DSCAM: variants seen among roughly 807,000 people sequenced by gnomAD.
The protein encoded by DSCAM is cell adhesion molecule DSCAM.
In DSCAM, 47 loss-of-function variants were observed where a neutral mutation model predicts 217.7. The observed-to-expected ratio is 0.22, with a 90% CI of 0.17 to 0.28. The LOEUF is 0.28. DSCAM is among the 10% of genes least tolerant of loss of function. The probability of loss-of-function intolerance (pLI) is 1.00; values close to 1 mark genes in which losing one functional copy is unlikely to be tolerated. For synonymous variants in DSCAM, 1,056 were observed against 1,015.3 expected (o/e 1.04, Z -0.76); for missense variants, 2,080 against 2,618.3 (o/e 0.79, Z 4.49).
chr21:40,074,652 T>A (rs1222500068), intron 27 of DSCAM, among the ~76,000 whole-genome samples: 3 of 152,202 alleles, frequency 2.0e-5, no homozygotes, highest in Non-Finnish European at 4.4e-5. Flanking sequence ...AATTTCCACT[T>A]CCAGTCAGTC....
intron 3 of DSCAM, among the ~76,000 whole-genome samples, chr21:40,621,050 C>A (rs1198954613): frequency 6.6e-6 from 1 of 152,098 alleles, no homozygotes; most frequent in Non-Finnish European, 1.5e-5. Context: ...ACAGAAATCA[C>A]AACAGTGGTT....
intron 3 of DSCAM, among the ~76,000 whole-genome samples, chr21:40,620,209 A>AGAG (rs2089477479): frequency 1.7e-5 from 2 of 116,580 alleles, no homozygotes; most frequent in Non-Finnish European, 3.6e-5. Flanking sequence ...GAAAGAGAGA[A>AGAG]AGAGAGAGAA....
intron 6 of DSCAM, among the ~76,000 whole-genome samples, chr21:40,339,655 G>T (rs904068995): frequency 1.0e-5 from 1 of 95,714 alleles, no homozygotes; most frequent in Non-Finnish European, 2.4e-5. Flanking sequence ...TGACTTAAGA[G>T]GAATGGTAAT....
intron 4 of DSCAM, among the ~76,000 whole-genome samples, chr21:40,358,727 G>A (rs1216775718): frequency 6.6e-6 from 1 of 151,470 alleles, no homozygotes; most frequent in Admixed American, 6.6e-5. Context: ...GCTTGAACCC[G>A]GGAAGCGGAG....
At chr21:40,098,409 T>C (rs555104791) in intron 20 of DSCAM, among the ~76,000 whole-genome samples, 24 of 152,334 alleles carry the variant, frequency 1.6e-4, no homozygotes, top group Non-Finnish European at 3.1e-4. Flanking sequence ...ATCCATTTTA[T>C]AGATCAGGAA....
At chr21:40,731,499 AT>A (rs965859350) in intron 1 of DSCAM, among the ~76,000 whole-genome samples, 16 of 151,770 alleles carry the variant, frequency 1.1e-4, no homozygotes, top group African/African-American at 3.1e-4. Context: ...CAACAGAAAT[AT>A]TTTTTTTCAT....
At chr21:40,523,947 A>T (rs2146094018) in intron 3 of DSCAM, among the ~76,000 whole-genome samples, 1 of 151,648 alleles carries the variant, frequency 6.6e-6, no homozygotes, top group East Asian at 1.9e-4. Context: ...CACGAGCCAC[A>T]CCCCCATCAC....
At chr21:40,768,724 T>C (rs561090171) in intron 1 of DSCAM, among the ~76,000 whole-genome samples, 76 of 152,350 alleles carry the variant, frequency 5.0e-4, no homozygotes, top group African/African-American at 1.8e-3. Flanking sequence ...GATGTGGAAG[T>C]GCTTCAAGGT....
At chr21:40,702,888 C>G (rs1199139384) in intron 2 of DSCAM, among the ~76,000 whole-genome samples, 1 of 152,154 alleles carries the variant, frequency 6.6e-6, no homozygotes, top group African/African-American at 2.4e-5. Context: ...AAAATAACCT[C>G]CAATATTACA....
chr21:40,340,415 T>C (rs1342858230), intron 6 of DSCAM, among the ~76,000 whole-genome samples: 1 of 152,220 alleles, frequency 6.6e-6, no homozygotes, highest in African/African-American at 2.4e-5. Context: ...ATATATGTTT[T>C]TCCATTTATA....
At chr21:40,668,922 T>A (rs1267378309) in intron 3 of DSCAM, among the ~76,000 whole-genome samples, 2 of 151,990 alleles carry the variant, frequency 1.3e-5, no homozygotes, top group African/African-American at 4.8e-5. Context: ...GGGGCTAAAA[T>A]GAGGCTCTGT....
intron 20 of DSCAM, among the ~76,000 whole-genome samples, chr21:40,113,385 A>G (rs1221906983): frequency 6.6e-6 from 1 of 152,182 alleles, no homozygotes; most frequent in Non-Finnish European, 1.5e-5. Context: ...AAAACTCTCA[A>G]TAAATTAGGT....
chr21:40,508,752 TATATATATATATATATATATATA>T (rs2076230484), intron 3 of DSCAM, among the ~76,000 whole-genome samples: 1 of 2,940 alleles, frequency 3.4e-4, no homozygotes, highest in African/African-American at 1.9e-3. Flanking sequence ...TATATATATA[TATATATATATATATATATATATA>T]TATATATATT....
chr21:40,694,988 G>C (rs78302234), intron 2 of DSCAM, among the ~76,000 whole-genome samples: 3 of 152,290 alleles, frequency 2.0e-5, no homozygotes, highest in South Asian at 4.1e-4. Flanking sequence ...GGTCAACAGA[G>C]AGAGTCTACC....
chr21:40,243,583 G>T (rs903316971), intron 11 of DSCAM, among the ~76,000 whole-genome samples: 1 of 152,134 alleles, frequency 6.6e-6, no homozygotes, highest in African/African-American at 2.4e-5. Flanking sequence ...TTTTTTCTGA[G>T]TGTGGGGCCC....
At chr21:40,427,401 T>C (rs1294032027) in intron 3 of DSCAM, among the ~76,000 whole-genome samples, 1 of 152,212 alleles carries the variant, frequency 6.6e-6, no homozygotes, top group Non-Finnish European at 1.5e-5. Context: ...AATTGTTCAA[T>C]AGGTTAATGG....
rs534078456 is a variant in DSCAM, at chr21:40,256,388, G to A, written c.2356+19709C>T. Among the ~76,000 whole-genome samples, 5 of 149,876 alleles carry A rather than the reference G, an allele frequency of 3.3e-5. No individual in the cohort carries two copies. The East Asian group carries it at 7.9e-4, about 24-fold the overall frequency. On this transcript the variant is annotated intron_variant, in intron 11 of 32. Coordinates refer to ENST00000400454, the MANE Select transcript of DSCAM (RefSeq NM_001389.5). The stretch of plus-strand genomic sequence containing the variant: ...CTTCCCAGAGAAACAGAACCAATAG[G>A]AGAGAGAGAGACAGACAGAGAGAGA...
chr21:40,076,281 C>T (rs1375047307), intron 26 of DSCAM, among the ~76,000 whole-genome samples: 3 of 151,834 alleles, frequency 2.0e-5, no homozygotes, highest in African/African-American at 7.3e-5. Context: ...TACAGGATGC[C>T]CATGAAGAGG....
In DSCAM at chr21:40,847,000, A is replaced by G. The variant is rs1019208271; in HGVS notation, c.-339T>C. On this transcript the variant is annotated 5_prime_UTR_variant, in exon 1 of 33. Coordinates refer to ENST00000400454, the MANE Select transcript of DSCAM (RefSeq NM_001389.5). ...ACGCGGGCGTGAGCTCATCCCGGGCACTCGGCGCCCAGAATGCGCAGCCAG... is the reference window on the plus strand; with the variant it reads ...ACGCGGGCGTGAGCTCATCCCGGGCGCTCGGCGCCCAGAATGCGCAGCCAG... 1.3e-5 allele frequency: 2 copies of G among 152,208 alleles called. No individual in the cohort carries two copies. Among genetic ancestry groups the G allele is most frequent in the Non-Finnish European group, 2.9e-5 (2 of 68,094 alleles). 9.4% of individuals were successfully genotyped at this position (152,208 alleles called of 1,614,324 possible). A position where few individuals can be genotyped will look rare whatever the true frequency, so the allele number is the denominator to read the frequency against.
Sources: gnomAD v4.1 joint callset for allele counts (sites outside exome capture counted in the v4.1 genomes callset) on GRCh38, gnomAD v4.1.1 for gene constraint, MANE v1.5 for transcripts, NCBI Gene and HGNC (gene_info 2026-07-23, HGNC 2026-07-21) for gene names.